The following PRTG variants were observed in gnomAD, a reference collection of about 807,000 sequenced individuals.
PRTG encodes the protein immunoglobulin superfamily, DCC subclass, member 5.
A neutral mutation model predicts 122.5 loss-of-function variants in PRTG; 67 were observed. The ratio of observed to expected loss-of-function variants is 0.55; its 90% CI spans 0.45 to 0.67. The LOEUF (loss-of-function observed/expected upper bound fraction) is 0.67, where lower values mean the gene tolerates loss of function less well. Among genes scored for constraint, PRTG ranks in the 30% least tolerant of loss-of-function variants. The pLI is 0.00. For missense variants in PRTG, 1,435 were observed against 1,415.4 expected (o/e 1.01, Z -0.22); for synonymous variants, 554 against 501.1 (o/e 1.11, Z -1.41).
chr15:55,675,411 G>GTTT, intron 9 of PRTG, 108 bp downstream of exon 9: 1 of 812,802 alleles, frequency 1.2e-6, no homozygotes, highest in Non-Finnish European at 1.8e-6. Flanking sequence ...TAACATACCT[G>GTTT]TTTTTTAACC....
chr15:55,620,395 C>T (rs1479845377), intron 19 of PRTG, 129 bp from the exon 20 acceptor site: 14 of 1,477,142 alleles, frequency 9.5e-6, no homozygotes, highest in Non-Finnish European at 1.1e-5. Flanking sequence ...GTGTCAAAAG[C>T]TTCTTCAGTG....
In PRTG at chr15:55,692,662, G is replaced by GT. The variant is rs574656679; in HGVS notation, c.398-8732dup. ...AATATATATTCATCTTGATTTAAGT[G>GT]TTTTTTTTTTAATTTTTGATTTACA... On this transcript the variant is annotated intron_variant, in intron 2 of 19. Transcript: ENST00000389286. Among the ~76,000 whole-genome samples, 408 of 147,600 alleles carry GT rather than the reference G, an allele frequency of 2.8e-3. 1 individual carries two copies. Among genetic ancestry groups the GT allele is most frequent in the African/African-American group, 6.1e-3 (245 of 40,172 alleles).
intron 2 of PRTG, among the ~76,000 whole-genome samples, chr15:55,730,818 CTA>C (rs1263564390): frequency 1.3e-5 from 2 of 152,114 alleles, no homozygotes; most frequent in African/African-American, 4.8e-5. Flanking sequence ...AAAGTCACGA[CTA>C]TAATAACAAA....
intron 2 of PRTG, among the ~76,000 whole-genome samples, chr15:55,723,190 C>T (rs561770488): frequency 7.9e-5 from 12 of 151,826 alleles, no homozygotes; most frequent in Admixed American, 5.2e-4. Context: ...TCACCACAGA[C>T]GAGGTTATAA....
chr15:55,682,105 G>A (rs1340769253), intron 4 of PRTG, among the ~76,000 whole-genome samples: 1 of 152,032 alleles, frequency 6.6e-6, no homozygotes, highest in East Asian at 1.9e-4. Flanking sequence ...AGTGAATTTT[G>A]GCATTGAATA....
chr15:55,697,782 G>A (rs1046163220), intron 2 of PRTG, among the ~76,000 whole-genome samples: 3 of 152,262 alleles, frequency 2.0e-5, no homozygotes, highest in South Asian at 2.1e-4. Flanking sequence ...GAGCCACCGC[G>A]CCCAGCCTCA....
At position 55,725,419 on chromosome 15, in the gene PRTG, C is replaced by A. The variant is rs149370147; in HGVS notation, c.397+14963G>T. Among the ~76,000 whole-genome samples, 484 of 152,078 alleles carry A rather than the reference C, an allele frequency of 3.2e-3. 1 individual carries two copies. The highest frequency in any genetic ancestry group is 5.0e-3 in the Non-Finnish European group (338 of 67,984). On this transcript the variant is annotated intron_variant, in intron 2 of 19. Transcript: ENST00000389286. ...GGTAAGCCTAGGCAACAAAATAAGA[C>A]CTTATCTCTATAAAAAATACGAAAA...
At chr15:55,722,387 A>G (rs1286111533) in intron 2 of PRTG, among the ~76,000 whole-genome samples, 1 of 148,688 alleles carries the variant, frequency 6.7e-6, no homozygotes, top group African/African-American at 2.4e-5. Context: ...TGCTTTCAAT[A>G]AATACTTGTT....
chr15:55,678,860 A>C (rs2059519857), intron 7 of PRTG, among the ~76,000 whole-genome samples: 1 of 152,214 alleles, frequency 6.6e-6, no homozygotes, highest in Admixed American at 6.5e-5. Context: ...ATTTGTATTT[A>C]TGCTAATAAA....
rs1379083796 is a variant in PRTG, at chr15:55,611,864, T to A, written c.*8148A>T. 1 of 152,094 alleles carries A rather than the reference T, an allele frequency of 6.6e-6. No homozygotes were observed. The highest frequency in any genetic ancestry group is 2.4e-5 in the African/African-American group (1 of 41,430). The allele number at this position is 152,094 out of a possible 1,614,324, so 9.4% of individuals were successfully genotyped here. A position where few individuals can be genotyped will look rare whatever the true frequency, so the allele number is the denominator to read the frequency against. On this transcript the variant is annotated 3_prime_UTR_variant, in exon 20 of 20. Coordinates refer to ENST00000389286, the MANE Select transcript of PRTG (RefSeq NM_173814.6). ...TGATCCCCTGAGTCAAGTATAAAATTAATATAGCTCAGCTCTACAGTCCAT... is the reference window on the plus strand; with the variant it reads ...TGATCCCCTGAGTCAAGTATAAAATAAATATAGCTCAGCTCTACAGTCCAT...
chr15:55,741,894 C>T (rs1393733372), intron 1 of PRTG, among the ~76,000 whole-genome samples: 1 of 152,192 alleles, frequency 6.6e-6, no homozygotes, highest in East Asian at 1.9e-4. Flanking sequence ...TCAAGCCTAA[C>T]AGAAACTAAC....
intron 2 of PRTG, among the ~76,000 whole-genome samples, chr15:55,693,489 G>A (rs1595657380): frequency 6.6e-6 from 1 of 151,650 alleles, no homozygotes; most frequent in South Asian, 2.1e-4. Flanking sequence ...GTGAAATCTT[G>A]GCCTTAGCTG....
At chr15:55,687,254 C>G (rs1172779985) in intron 2 of PRTG, among the ~76,000 whole-genome samples, 1 of 152,018 alleles carries the variant, frequency 6.6e-6, no homozygotes, top group Non-Finnish European at 1.5e-5. Context: ...TTTTTGTTTG[C>G]TACAATTCCA....
chr15:55,630,873 G>T (rs189878734), intron 15 of PRTG, among the ~76,000 whole-genome samples: 8 of 152,236 alleles, frequency 5.3e-5, no homozygotes, highest in Admixed American at 3.9e-4. Flanking sequence ...CTGACTCAGG[G>T]CAACCTTACA....
At position 55,675,572 on chromosome 15, in the gene PRTG, G is replaced by A; in HGVS notation, c.1493C>T (p.Pro498Leu). 1 of 1,611,762 alleles carries A rather than the reference G, an allele frequency of 6.2e-7. No homozygotes were observed. Among genetic ancestry groups the A allele is most frequent in the Non-Finnish European group, 8.5e-7 (1 of 1,178,294 alleles). Residue 498 changes from proline (P) to leucine (L), a missense_variant, in exon 9 of 20, where the codon CCA becomes CTA. Coordinates refer to ENST00000389286, the MANE Select transcript of PRTG (RefSeq NM_173814.6). ...NYTFYIVAYMPMGASQMSDHV... is the reference protein window; with the variant it reads ...NYTFYIVAYMLMGASQMSDHV... Reference sequence around the variant, plus strand: ...GTCAGACATCTGGCTGGCTCCCATTGGCATATATGCTACAATGTAGAAAGT... The same window carrying A: ...GTCAGACATCTGGCTGGCTCCCATTAGCATATATGCTACAATGTAGAAAGT...
chr15:55,669,872 G>A (rs960313841), intron 11 of PRTG, among the ~76,000 whole-genome samples: 16 of 152,314 alleles, frequency 1.1e-4, no homozygotes, highest in Non-Finnish European at 1.9e-4. Context: ...CAGGAAACAT[G>A]CAGCTATTTT....
rs1465662997 is a variant in PRTG at position 55,612,696 on chromosome 15, CAATATATATATATATATATA to C, written c.*7296_*7315del. The C allele has an allele frequency of 8.8e-5, 8 of 90,598 alleles. No individual in the cohort carries two copies. Among genetic ancestry groups the C allele is most frequent in the African/African-American group, 4.0e-4 (7 of 17,382 alleles). The allele number at this position is 90,598 out of a possible 1,614,324, so 5.6% of individuals were successfully genotyped here. On this transcript the variant is annotated 3_prime_UTR_variant, in exon 20 of 20. Coordinates refer to ENST00000389286, the MANE Select transcript of PRTG (RefSeq NM_173814.6). ...ATTCTCTCTTTAACTCTTTAAAAGC[CAATATATATATATATATATA>C]TATATATATATATATATATATATAT...
chr15:55,680,377 A>G (rs2059530801), intron 5 of PRTG, 114 bp downstream of exon 5: 1 of 1,242,912 alleles, frequency 8.0e-7, no homozygotes, highest in African/African-American at 1.5e-5. Flanking sequence ...AAAAATTAAG[A>G]CATTCAACAG....
At chr15:55,680,303 A>C (rs2059530322) in intron 5 of PRTG, 91 bp from the exon 6 acceptor site, 2 of 1,215,862 alleles carry the variant, frequency 1.6e-6, no homozygotes, top group African/African-American at 1.5e-5. Flanking sequence ...CAATCATGAA[A>C]AGTATAAAAT....
Sources: allele counts gnomAD v4.1 joint callset (sites outside exome capture counted in the v4.1 genomes callset), GRCh38; gene constraint gnomAD v4.1.1; transcripts MANE v1.5; gene names NCBI Gene and HGNC (gene_info 2026-07-23, HGNC 2026-07-21).